HCN1: variants seen among roughly 807,000 people sequenced by gnomAD.
HCN1 encodes the protein potassium/sodium hyperpolarization-activated cyclic nucleotide-gated channel 1.
In HCN1, 13 loss-of-function variants were observed where a neutral mutation model predicts 78.9. The observed-to-expected ratio is 0.16, with a 90% CI of 0.11 to 0.26. The LOEUF is 0.26. HCN1 is among the 10% of genes least tolerant of loss of function. The pLI, the probability that HCN1 is intolerant of heterozygous loss-of-function variation, is 1.00. For missense variants in HCN1, 810 were observed against 1,154.3 expected, an observed-to-expected ratio of 0.70 and a Z score of 4.32; for synonymous variants, 552 against 455.5, an observed-to-expected ratio of 1.21 and a Z score of -2.70.
At chr5:45,611,399 G>A (rs993628829) in intron 2 of HCN1, among the ~76,000 whole-genome samples, 2 of 150,468 alleles carry the variant, frequency 1.3e-5, no homozygotes, top group African/African-American at 4.9e-5. Flanking sequence ...ATCCTCCTGA[G>A]TAGCTGGGAT....
intron 2 of HCN1, among the ~76,000 whole-genome samples, chr5:45,582,322 G>T (rs1463064449): frequency 2.6e-5 from 4 of 152,046 alleles, no homozygotes; most frequent in Non-Finnish European, 5.9e-5. Flanking sequence ...CTCTCTGTTT[G>T]TCTGTTGTTG....
intron 6 of HCN1, among the ~76,000 whole-genome samples, chr5:45,303,086 C>A (rs1220995461): frequency 4.6e-5 from 7 of 152,098 alleles, no homozygotes; most frequent in African/African-American, 1.7e-4. Flanking sequence ...ATTTTGCAGC[C>A]TTCCTTAGGC....
At position 45,491,841 on chromosome 5, in the gene HCN1, G is replaced by A. The variant is rs962882696; in HGVS notation, c.850-29834C>T. Among the ~76,000 whole-genome samples the A allele has an allele frequency of 1.2e-4, 19 of 152,156 alleles. 1 individual carries two copies. The highest frequency in any genetic ancestry group is 1.2e-3 in the Admixed American group (18 of 15,270). On this transcript the variant is annotated intron_variant, in intron 2 of 7. Transcript: ENST00000303230. ...GGCCTCTATAAGAAGGTAAGGAAGT[G>A]GTGAAAGCTAGGCTGGGGTTCTCTA...
chr5:45,628,502 T>C (rs185604090), intron 2 of HCN1, among the ~76,000 whole-genome samples: 10 of 152,270 alleles, frequency 6.6e-5, no homozygotes, highest in African/African-American at 2.2e-4. Context: ...CTTTGGTGAA[T>C]AGAAGCATAT....
At chr5:45,270,647 T>C (rs1315411351) in intron 6 of HCN1, among the ~76,000 whole-genome samples, 1 of 152,162 alleles carries the variant, frequency 6.6e-6, no homozygotes, top group Non-Finnish European at 1.5e-5. Flanking sequence ...ATTAATTGGG[T>C]CTCTGTAGAG....
intron 5 of HCN1, among the ~76,000 whole-genome samples, chr5:45,304,588 T>C (rs1176720909): frequency 4.6e-5 from 7 of 152,026 alleles, no homozygotes; most frequent in African/African-American, 1.2e-4. Flanking sequence ...AGGCAGAGAA[T>C]TGCTTGAACC....
At chr5:45,381,455 G>T (rs1438332331) in intron 4 of HCN1, among the ~76,000 whole-genome samples, 1 of 152,018 alleles carries the variant, frequency 6.6e-6, no homozygotes, top group African/African-American at 2.4e-5. Context: ...AACAAATAAA[G>T]TAAAAAAGCT....
intron 5 of HCN1, among the ~76,000 whole-genome samples, chr5:45,344,745 C>T (rs1746661666): frequency 6.6e-6 from 1 of 152,200 alleles, no homozygotes; most frequent in Non-Finnish European, 1.5e-5. Flanking sequence ...AGCTCTATCC[C>T]TGTGGTTTTG....
intron 5 of HCN1, among the ~76,000 whole-genome samples, chr5:45,306,654 T>C (rs1318538516): frequency 6.6e-6 from 1 of 152,092 alleles, no homozygotes; most frequent in Non-Finnish European, 1.5e-5. Flanking sequence ...CATGTAAGTA[T>C]AGAATGAAGC....
At chr5:45,466,785 C>T (rs1042297219) in intron 2 of HCN1, among the ~76,000 whole-genome samples, 1 of 152,072 alleles carries the variant, frequency 6.6e-6, no homozygotes, top group Non-Finnish European at 1.5e-5. Flanking sequence ...TCTTTCCATG[C>T]TTTAGGTACA....
chr5:45,649,740 A>T lies in HCN1; in HGVS notation c.426-4132T>A, dbSNP rs1266320175. Reference sequence around the variant, plus strand: ...TTCTATATATTTTCTGCTATAAGATAGATAGCATCTAAGATAGCAAATGTT... The same window carrying T: ...TTCTATATATTTTCTGCTATAAGATTGATAGCATCTAAGATAGCAAATGTT... On this transcript the variant is annotated intron_variant, in intron 1 of 7. Coordinates refer to ENST00000303230, the MANE Select transcript of HCN1 (RefSeq NM_021072.4). Among the ~76,000 whole-genome samples the T allele has an allele frequency of 2.0e-5, 3 of 152,232 alleles. No individual in the cohort carries two copies. The East Asian group carries it at 5.8e-4, about 29-fold the overall frequency.
rs1008907296 is a variant in HCN1 at position 45,533,522 on chromosome 5, C to T, written c.850-71515G>A. Among the ~76,000 whole-genome samples the T allele has an allele frequency of 2.0e-5, 3 of 152,166 alleles. No individual in the cohort carries two copies. In the East Asian group the frequency reaches 5.8e-4, roughly 29 times the overall value. The stretch of plus-strand genomic sequence containing the variant: ...CTTTGTCAAGGATTCTGATGACTGT[C>T]TCATATGTACTGACTAGCCTTTCCA... On this transcript the variant is annotated intron_variant, in intron 2 of 7. Transcript: ENST00000303230.
intron 6 of HCN1, among the ~76,000 whole-genome samples, chr5:45,290,975 G>A (rs1745361420): frequency 6.6e-6 from 1 of 151,834 alleles, no homozygotes; most frequent in Non-Finnish European, 1.5e-5. Context: ...AATAATGTAG[G>A]CATATACTCA....
At chr5:45,691,614 T>C (rs950280779) in intron 1 of HCN1, among the ~76,000 whole-genome samples, 2 of 152,180 alleles carry the variant, frequency 1.3e-5, no homozygotes, top group Non-Finnish European at 2.9e-5. Flanking sequence ...GCTATGTTGA[T>C]ATGAAAAGCA....
At chr5:45,288,991 A>T (rs935944337) in intron 6 of HCN1, among the ~76,000 whole-genome samples, 2 of 152,058 alleles carry the variant, frequency 1.3e-5, no homozygotes, top group African/African-American at 4.8e-5. Context: ...GCAGGACATC[A>T]TTGCCTTCCA....
At chr5:45,679,176 G>A (rs1165878800) in intron 1 of HCN1, among the ~76,000 whole-genome samples, 1 of 152,016 alleles carries the variant, frequency 6.6e-6, no homozygotes, top group African/African-American at 2.4e-5. Context: ...GTGTTCAAAT[G>A]TTAGTTTCTC....
chr5:45,604,302 G>A (rs764682625), intron 2 of HCN1, among the ~76,000 whole-genome samples: 4 of 151,738 alleles, frequency 2.6e-5, no homozygotes, highest in East Asian at 3.9e-4. Flanking sequence ...AAGTGATACC[G>A]CCAGCAAGTG....
chr5:45,437,387 A>C (rs1740578259), intron 3 of HCN1, among the ~76,000 whole-genome samples: 1 of 152,198 alleles, frequency 6.6e-6, no homozygotes, highest in African/African-American at 2.4e-5. Flanking sequence ...ACATTTTCTC[A>C]GTAATATTTT....
chr5:45,478,038 C>T (rs192428242), intron 2 of HCN1, among the ~76,000 whole-genome samples: 1 of 152,164 alleles, frequency 6.6e-6, no homozygotes, highest in Admixed American at 6.5e-5. Flanking sequence ...CCTATAATCC[C>T]AGCTACTCAG....
Sources: gnomAD v4.1 joint callset for allele counts (sites outside exome capture counted in the v4.1 genomes callset) on GRCh38, gnomAD v4.1.1 for gene constraint, MANE v1.5 for transcripts, NCBI Gene and HGNC (gene_info 2026-07-23, HGNC 2026-07-21) for gene names.